The following CFAP61 variants were observed in gnomAD, a reference collection of about 807,000 sequenced individuals.
CFAP61 encodes cilia- and flagella-associated protein 61.
Under a neutral mutation model 135.6 loss-of-function variants are expected in CFAP61, and 107 were observed. The ratio of observed to expected loss-of-function variants is 0.79; its 90% CI spans 0.67 to 0.93. CFAP61 has a LOEUF of 0.93. CFAP61 is among the 40% of genes least tolerant of loss of function. CFAP61 has a pLI of 0.00. For missense variants in CFAP61, 1,507 were observed against 1,556.2 expected (o/e 0.97, Z 0.53); for synonymous variants, 575 against 578.5 (o/e 0.99, Z 0.09).
intron 6 of CFAP61, among the ~76,000 whole-genome samples, chr20:20,077,573 A>G (rs889362437): frequency 1.4e-4 from 22 of 152,232 alleles, no homozygotes; most frequent in African/African-American, 5.3e-4. Flanking sequence ...AGGTCCTGAG[A>G]ACATGTGCCT....
chr20:20,325,557 T>C (rs2057712895), intron 25 of CFAP61, among the ~76,000 whole-genome samples: 1 of 152,246 alleles, frequency 6.6e-6, no homozygotes, highest in African/African-American at 2.4e-5. Flanking sequence ...CCTCCATGTC[T>C]TTTTAGCACT....
chr20:20,357,404 T>G (rs1390490578), intron 26 of CFAP61, among the ~76,000 whole-genome samples: 2 of 30,900 alleles, frequency 6.5e-5, no homozygotes, highest in East Asian at 1.1e-3. Context: ...TGAGGGGAGG[T>G]GGTCACAGTG....
intron 25 of CFAP61, among the ~76,000 whole-genome samples, chr20:20,329,225 C>G (rs888243640): frequency 1.3e-5 from 2 of 152,140 alleles, no homozygotes; most frequent in African/African-American, 4.8e-5. Context: ...AAACCTGTCT[C>G]TTGGGGCCCT....
chr20:20,060,833 A>G (rs1244772161), intron 2 of CFAP61, among the ~76,000 whole-genome samples: 4 of 152,232 alleles, frequency 2.6e-5, no homozygotes, highest in Non-Finnish European at 5.9e-5. Context: ...AGCTCCAGTC[A>G]CATGTTTCCC....
Position 20,288,596 on chromosome 20 carries a change from G to T in CFAP61, c.2797-13G>T. 2 of 1,600,198 alleles carry T rather than the reference G, an allele frequency of 1.2e-6. No homozygotes were observed. Among genetic ancestry groups the T allele is most frequent in the African/African-American group, 1.3e-5 (1 of 74,736 alleles). ...GTGATAACTGAATATTGCTGTAATTGTTCACTTCGTAGATGTTCTTCAGCT... is the reference window on the plus strand; with the variant it reads ...GTGATAACTGAATATTGCTGTAATTTTTCACTTCGTAGATGTTCTTCAGCT... On this transcript the variant is annotated splice_polypyrimidine_tract_variant and intron_variant, in intron 22 of 26. Coordinates refer to ENST00000245957, the MANE Select transcript of CFAP61 (RefSeq NM_015585.4).
At chr20:20,100,242 G>T (rs1464531051) in intron 8 of CFAP61, among the ~76,000 whole-genome samples, 1 of 149,034 alleles carries the variant, frequency 6.7e-6, no homozygotes, top group Non-Finnish European at 1.5e-5. Context: ...GTGTGATCTT[G>T]GCTCACTGCA....
chr20:20,196,465 T>C, intron 15 of CFAP61, 105 bp from the exon 16 acceptor site: 1 of 819,730 alleles, frequency 1.2e-6, no homozygotes, highest in South Asian at 1.6e-5. Context: ...AAAAATACGT[T>C]TCTTACTATC....
At chr20:20,287,168 A>C (rs1170367801) in intron 22 of CFAP61, among the ~76,000 whole-genome samples, 3 of 152,170 alleles carry the variant, frequency 2.0e-5, no homozygotes, top group African/African-American at 7.2e-5. Flanking sequence ...TCCTGTGGCC[A>C]CTGGGTAAGA....
intron 17 of CFAP61, among the ~76,000 whole-genome samples, chr20:20,225,054 T>G (rs1039040466): frequency 6.6e-6 from 1 of 152,192 alleles, no homozygotes; most frequent in Admixed American, 6.5e-5. Flanking sequence ...GCATGTCTGT[T>G]TTTCTTTCCC....
intron 2 of CFAP61, 78 bp from the exon 3 acceptor site, chr20:20,070,776 C>A: frequency 7.2e-7 from 1 of 1,395,828 alleles, no homozygotes; most frequent in Non-Finnish European, 9.8e-7. Flanking sequence ...CTCCAGTAGC[C>A]AGAGGGAAAA....
At chr20:20,286,551 C>T (rs1421559171) in intron 22 of CFAP61, among the ~76,000 whole-genome samples, 2 of 152,176 alleles carry the variant, frequency 1.3e-5, no homozygotes, top group Non-Finnish European at 2.9e-5. Context: ...TCAGAATTAT[C>T]AATATAAGTA....
At chr20:20,198,388 G>A (rs1356760171) in intron 16 of CFAP61, among the ~76,000 whole-genome samples, 1 of 152,140 alleles carries the variant, frequency 6.6e-6, no homozygotes, top group Non-Finnish European at 1.5e-5. Context: ...AATACCTTGG[G>A]CATTTCATTA....
In CFAP61 at chr20:20,355,985, A is replaced by AGGT. The variant is rs1569331864; in HGVS notation, c.3514-4225_3514-4224insGGT. ...GGGGAGGTGATCACACTGTGAGGGG[A>AGGT]CGTCACACTGTGAGGGGAGGTGGTC... On this transcript the variant is annotated intron_variant, in intron 26 of 26. Transcript: ENST00000245957. Among the ~76,000 whole-genome samples, 18 of 6,882 alleles carry AGGT rather than the reference A, an allele frequency of 2.6e-3. 4 individuals carry two copies. The highest frequency in any genetic ancestry group is 0.071 in the East Asian group (1 of 14). The allele number at this position is 6,882 out of a possible 152,430, so 4.5% of individuals were successfully genotyped here.
At chr20:20,095,865 G>A (rs767748165) in intron 7 of CFAP61, among the ~76,000 whole-genome samples, 15 of 152,336 alleles carry the variant, frequency 9.8e-5, no homozygotes, top group Admixed American at 3.3e-4. Context: ...ATGGGTGGCT[G>A]TAGGGCTTTT....
chr20:20,146,044 G>A (rs1407096553), intron 9 of CFAP61, among the ~76,000 whole-genome samples: 1 of 152,182 alleles, frequency 6.6e-6, no homozygotes, highest in Non-Finnish European at 1.5e-5. Flanking sequence ...GTGGCCCTCA[G>A]CATCCCATCA....
chr20:20,304,266 C>T (rs541820892), intron 25 of CFAP61, among the ~76,000 whole-genome samples: 1 of 98,112 alleles, frequency 1.0e-5, no homozygotes, highest in Non-Finnish European at 2.2e-5. Context: ...AATCCACCAT[C>T]GGTGACTGTG....
intron 24 of CFAP61, among the ~76,000 whole-genome samples, chr20:20,293,073 A>G (rs2055117880): frequency 6.6e-6 from 1 of 152,254 alleles, no homozygotes; most frequent in Admixed American, 6.5e-5. Flanking sequence ...CAGAGTATTC[A>G]CAGGCTAAGC....
At chr20:20,189,777 AT>A (rs1328200758) in intron 14 of CFAP61, among the ~76,000 whole-genome samples, 2 of 151,996 alleles carry the variant, frequency 1.3e-5, no homozygotes, top group African/African-American at 2.4e-5. Flanking sequence ...TTGGCTGTTT[AT>A]TTTTTTATTT....
intron 20 of CFAP61, among the ~76,000 whole-genome samples, chr20:20,255,992 T>C (rs912908517): frequency 6.6e-6 from 1 of 152,198 alleles, no homozygotes; most frequent in African/African-American, 2.4e-5. Context: ...TGAGAAGTTC[T>C]GATGCCCTGG....
Sources: allele counts gnomAD v4.1 joint callset (sites outside exome capture counted in the v4.1 genomes callset), GRCh38; gene constraint gnomAD v4.1.1; transcripts MANE v1.5; gene names NCBI Gene and HGNC (gene_info 2026-07-23, HGNC 2026-07-21).